The following UVRAG variants were observed in gnomAD, a reference collection of about 807,000 sequenced individuals.
UVRAG encodes the protein UV radiation resistance associated, also known as UV radiation resistance-associated gene protein.
A neutral mutation model predicts 78.0 loss-of-function variants in UVRAG; 19 were observed. That is an observed-to-expected ratio of 0.24 (90% confidence interval 0.17 to 0.36). The LOEUF (loss-of-function observed/expected upper bound fraction) is 0.36. Ranked by LOEUF, UVRAG falls within the 10% of genes least tolerant of loss-of-function variation. The pLI is 1.00. For synonymous variants in UVRAG, 323 were observed against 324.6 expected, an observed-to-expected ratio of 1.00 and a Z score of 0.05; for missense variants, 740 against 853.8, an observed-to-expected ratio of 0.87 and a Z score of 1.66.
chr11:75,884,240 T>TCTTTCTCTCTCTCTC lies in UVRAG; in HGVS notation c.432+4200_432+4201insCTTTCTCTCTCTCTC, dbSNP rs1555080662. On this transcript the variant is annotated intron_variant, in intron 4 of 14. Coordinates refer to ENST00000356136, the MANE Select transcript of UVRAG (RefSeq NM_003369.4). ...TCTCTCTCTCTCTCTCTCTCTCTCT[T>TCTTTCTCTCTCTCTC]TCTCTCTCTCTCTCTGTGTGAAGTG... 4.7e-3 allele frequency among the ~76,000 whole-genome samples: 626 copies of TCTTTCTCTCTCTCTC among 132,482 alleles called. 2 individuals carry two copies. Among genetic ancestry groups the TCTTTCTCTCTCTCTC allele is most frequent in the African/African-American group, 0.019 (578 of 31,084 alleles). 86.9% of individuals were successfully genotyped at this position (132,482 alleles called of 152,430 possible). A position where few individuals can be genotyped will look rare whatever the true frequency, so the allele number is the denominator to read the frequency against.
chr11:76,034,509 A>G (rs1453083321), intron 12 of UVRAG, among the ~76,000 whole-genome samples: 1 of 151,980 alleles, frequency 6.6e-6, no homozygotes, highest in African/African-American at 2.4e-5. Context: ...CCATTATTTT[A>G]TTTAACGTTT....
At chr11:75,847,768 C>T (rs1180236298) in intron 1 of UVRAG, among the ~76,000 whole-genome samples, 4 of 151,486 alleles carry the variant, frequency 2.6e-5, no homozygotes, top group Non-Finnish European at 4.4e-5. Context: ...GTCAGGAGAT[C>T]GAGACCATCC....
intron 12 of UVRAG, among the ~76,000 whole-genome samples, chr11:76,024,430 A>G (rs1051211328): frequency 1.3e-5 from 2 of 152,164 alleles, no homozygotes; most frequent in Non-Finnish European, 2.9e-5. Context: ...ATTTTGGTGA[A>G]TGAATTTTAT....
At chr11:76,105,231 C>T (rs935390405) in intron 13 of UVRAG, among the ~76,000 whole-genome samples, 1 of 152,038 alleles carries the variant, frequency 6.6e-6, no homozygotes, top group Admixed American at 6.6e-5. Flanking sequence ...TTGCCAAACC[C>T]CTGTTTCTAC....
At chr11:75,857,450 G>A (rs913201017) in intron 2 of UVRAG, among the ~76,000 whole-genome samples, 14 of 151,784 alleles carry the variant, frequency 9.2e-5, no homozygotes, top group Admixed American at 3.9e-4. Flanking sequence ...ACTTATTCAC[G>A]TGACTAGTGC....
At chr11:75,973,486 C>T (rs1004031515) in intron 7 of UVRAG, among the ~76,000 whole-genome samples, 1 of 152,114 alleles carries the variant, frequency 6.6e-6, no homozygotes, top group Non-Finnish European at 1.5e-5. Context: ...TAGGGTGATG[C>T]TGGCTTCATA....
chr11:75,967,953 C>T (rs552528928), intron 7 of UVRAG, among the ~76,000 whole-genome samples: 1 of 152,338 alleles, frequency 6.6e-6, no homozygotes, highest in South Asian at 2.1e-4. Context: ...GCTTGAGGAA[C>T]TTTTGACCTA....
intron 12 of UVRAG, among the ~76,000 whole-genome samples, chr11:76,056,558 C>T (rs1246768395): frequency 2.0e-5 from 3 of 151,936 alleles, no homozygotes; most frequent in Non-Finnish European, 4.4e-5. Flanking sequence ...GCATTTTTTT[C>T]CTTGTTGTAT....
At chr11:75,912,446 A>G (rs900870153) in intron 6 of UVRAG, among the ~76,000 whole-genome samples, 1 of 152,248 alleles carries the variant, frequency 6.6e-6, no homozygotes, top group Admixed American at 6.5e-5. Context: ...TTGTCTTAAA[A>G]GAATTATGTT....
intron 1 of UVRAG, among the ~76,000 whole-genome samples, chr11:75,828,969 C>T (rs1388824107): frequency 1.3e-5 from 2 of 151,834 alleles, no homozygotes; most frequent in Non-Finnish European, 2.9e-5. Context: ...AATCCGCCCA[C>T]CTTGGCCTCC....
intron 6 of UVRAG, among the ~76,000 whole-genome samples, chr11:75,918,562 A>G (rs1947910434): frequency 6.6e-6 from 1 of 152,166 alleles, no homozygotes; most frequent in East Asian, 1.9e-4. Flanking sequence ...TGTATAATCA[A>G]TAACTATCAT....
chr11:75,837,674 T>C (rs1945815723), intron 1 of UVRAG: 1 of 152,160 alleles, frequency 6.6e-6, no homozygotes, highest in Non-Finnish European at 1.5e-5. Flanking sequence ...CTGAATATTT[T>C]CTATCTGTAA....
chr11:76,033,986 A>G (rs751703114), intron 12 of UVRAG, among the ~76,000 whole-genome samples: 6 of 152,234 alleles, frequency 3.9e-5, no homozygotes, highest in Non-Finnish European at 8.8e-5. Context: ...TCCTGGTTAT[A>G]TACTAGTCTG....
At chr11:75,838,930 T>G (rs914243835) in intron 1 of UVRAG, 2 of 152,282 alleles carry the variant, frequency 1.3e-5, no homozygotes, top group Non-Finnish European at 2.9e-5. Flanking sequence ...AACAGAGGCC[T>G]GAGCTAGCAC....
chr11:75,920,657 T>A (rs1397434773), intron 6 of UVRAG, among the ~76,000 whole-genome samples: 2 of 152,172 alleles, frequency 1.3e-5, no homozygotes, highest in Non-Finnish European at 1.5e-5. Context: ...CTAGTCACCC[T>A]TCACCCATGT....
chr11:75,836,641 A>G (rs1945782374), intron 1 of UVRAG, among the ~76,000 whole-genome samples: 1 of 152,148 alleles, frequency 6.6e-6, no homozygotes, highest in Non-Finnish European at 1.5e-5. Flanking sequence ...TGTTCATACC[A>G]CGAAAAAGCA....
In UVRAG at chr11:75,835,722, A is replaced by T. The variant is rs549693814; in HGVS notation, c.118-16161A>T. On this transcript the variant is annotated intron_variant, in intron 1 of 14. Coordinates refer to ENST00000356136, the MANE Select transcript of UVRAG (RefSeq NM_003369.4). ...GGCCATTCTTATTTGAAGTAAAGAG[A>T]CACAGATTTAGAATTCATCTCTCTA... 2.0e-5 allele frequency among the ~76,000 whole-genome samples: 3 copies of T among 152,214 alleles called. No homozygotes were observed. In the South Asian group the frequency reaches 6.2e-4, roughly 32 times the overall value.
chr11:75,819,726 T>C (rs1565328452), intron 1 of UVRAG, among the ~76,000 whole-genome samples: 1 of 150,690 alleles, frequency 6.6e-6, no homozygotes, highest in Non-Finnish European at 1.5e-5. Flanking sequence ...ACCAGCACTT[T>C]GGGAGGCCGA....
At chr11:75,818,197 G>A (rs533774891) in intron 1 of UVRAG, among the ~76,000 whole-genome samples, 75 of 152,162 alleles carry the variant, frequency 4.9e-4, no homozygotes, top group African/African-American at 1.5e-3. Flanking sequence ...GATTTCTAAT[G>A]TAAAAGATCA....
Sources: gnomAD v4.1 joint callset for allele counts (sites outside exome capture counted in the v4.1 genomes callset) on GRCh38, gnomAD v4.1.1 for gene constraint, MANE v1.5 for transcripts, NCBI Gene and HGNC (gene_info 2026-07-23, HGNC 2026-07-21) for gene names.